Variants in RBM26 observed in about 807,000 individuals in gnomAD.
RBM26 encodes RNA binding motif protein 26.
RBM26 carries 30 observed loss-of-function variants against 123.6 expected under a neutral mutation model. The observed-to-expected ratio is 0.24, with a 90% confidence interval of 0.18 to 0.33. RBM26 has a LOEUF of 0.33. Ranked by LOEUF, RBM26 falls within the 10% of genes least tolerant of loss-of-function variation. The probability of loss-of-function intolerance (pLI) is 1.00; values close to 1 mark genes in which losing one functional copy is unlikely to be tolerated. For synonymous variants in RBM26, 400 were observed against 404.4 expected (o/e 0.99, Z 0.13); for missense variants, 947 against 1,203.6 (o/e 0.79, Z 3.15).
chr13:79,353,066 T>C (rs534755832), intron 14 of RBM26, 87 bp downstream of exon 14: 3 of 738,858 alleles, frequency 4.1e-6, no homozygotes, highest in African/African-American at 3.6e-5. Context: ...AGCAAGAGTT[T>C]AGAACTATGA....
intron 9 of RBM26, among the ~76,000 whole-genome samples, chr13:79,363,639 T>C (rs1368403856): frequency 6.6e-6 from 1 of 152,128 alleles, no homozygotes; most frequent in East Asian, 1.9e-4. Flanking sequence ...ATGACAGACA[T>C]TTCTCTCTCA....
chr13:79,386,632 ACCC>A, intron 1 of RBM26, among the ~76,000 whole-genome samples: 1 of 147,302 alleles, frequency 6.8e-6, no homozygotes, highest in Non-Finnish European at 1.5e-5. Flanking sequence ...CAATATGGTA[ACCC>A]ATGACTAACC....
At chr13:79,389,168 G>T (rs751867243) in intron 1 of RBM26, among the ~76,000 whole-genome samples, 4 of 152,094 alleles carry the variant, frequency 2.6e-5, no homozygotes, top group Non-Finnish European at 5.9e-5. Flanking sequence ...ACTATCTCCC[G>T]TAACTTCTTT....
chr13:79,333,297 C>T (rs1430353067), intron 20 of RBM26, among the ~76,000 whole-genome samples: 1 of 152,098 alleles, frequency 6.6e-6, no homozygotes, highest in Non-Finnish European at 1.5e-5. Context: ...TCAGGAATTC[C>T]TATTTTATAA....
intron 1 of RBM26, among the ~76,000 whole-genome samples, chr13:79,398,051 C>T (rs993117061): frequency 6.6e-6 from 1 of 152,130 alleles, no homozygotes; most frequent in Non-Finnish European, 1.5e-5. Context: ...TAAAAATAAA[C>T]TTTTACCTAT....
chr13:79,401,226 G>T (rs960055495), intron 1 of RBM26, among the ~76,000 whole-genome samples: 1 of 152,038 alleles, frequency 6.6e-6, no homozygotes, highest in African/African-American at 2.4e-5. Context: ...CAGGTGAAGG[G>T]GAAAAATACT....
intron 3 of RBM26, among the ~76,000 whole-genome samples, chr13:79,373,619 T>G (rs1239308363): frequency 6.5e-5 from 7 of 108,494 alleles, no homozygotes; most frequent in Admixed American, 5.2e-4. Context: ...TATTTATATA[T>G]TATATATTAC....
intron 1 of RBM26, among the ~76,000 whole-genome samples, chr13:79,397,089 G>A (rs1229708251): frequency 6.6e-6 from 1 of 152,214 alleles, no homozygotes; most frequent in African/African-American, 2.4e-5. Context: ...GCTGAGGCCT[G>A]AGAATCGTTT....
At chr13:79,313,791 T>C (rs1353686648) in exon 5 of RBM26, 1 of 151,550 alleles carries the variant, frequency 6.6e-6, no homozygotes, top group Admixed American at 6.6e-5. Context: ...CTGATGTGTT[T>C]ATTACATTCT....
chr13:79,371,322 C>T (rs2075852321), intron 4 of RBM26, among the ~76,000 whole-genome samples, 160 bp from the exon 5 acceptor site: 1 of 152,112 alleles, frequency 6.6e-6, no homozygotes, highest in African/African-American at 2.4e-5. Flanking sequence ...CTTTAAATCC[C>T]TTTTAAATGA....
In RBM26 at chr13:79,366,726, G is replaced by C; in HGVS notation, c.1042C>G (p.Pro348Ala). 1 of 1,612,708 alleles carries C rather than the reference G, an allele frequency of 6.2e-7. No individual in the cohort carries two copies. Among genetic ancestry groups the C allele is most frequent in the Non-Finnish European group, 8.5e-7 (1 of 1,179,324 alleles). Reference sequence around the variant, plus strand: ...GGGGGTGTAAGAATTGGTGGAGGTGGGGGGAGTCCAGGAGGAGGTGGTCCT... The same window carrying C: ...GGGGGTGTAAGAATTGGTGGAGGTGCGGGGAGTCCAGGAGGAGGTGGTCCT... Reference protein sequence around the residue: ...VEGPPPPGLPPPPPILTPPPV... With the variant: ...VEGPPPPGLPAPPPILTPPPV... The change falls in exon 7 of 22, where the codon CCA (proline) becomes GCA (alanine). Residue 348 changes from proline (P) to alanine (A), a missense_variant. Around this residue, in one of 5 missense-constraint regions of RBM26, gnomAD observed 493 missense variants for 563.1 expected, o/e 0.88. Coordinates refer to ENST00000438737, the MANE Select transcript of RBM26 (RefSeq NM_001366735.2).
chr13:79,333,203 A>G (rs546224032), intron 20 of RBM26, among the ~76,000 whole-genome samples: 149 of 152,224 alleles, frequency 9.8e-4, no homozygotes, highest in Non-Finnish European at 1.9e-3. Flanking sequence ...AATCTCATCA[A>G]TTTTAAATTA....
chr13:79,405,622 C>G, intron 1 of RBM26, 82 bp downstream of exon 1: 1 of 942,232 alleles, frequency 1.1e-6, no homozygotes. Flanking sequence ...CCACCGCAGG[C>G]ACTTGGGGAA....
At chr13:79,365,195 C>G (rs1189265166) in intron 9 of RBM26, among the ~76,000 whole-genome samples, 2 of 152,174 alleles carry the variant, frequency 1.3e-5, no homozygotes, top group Non-Finnish European at 1.5e-5. Flanking sequence ...ATAATCCCAG[C>G]ACTTTGGGAA....
rs544502237 is a variant in RBM26, at chr13:79,367,502, G to A, written c.896-630C>T. On this transcript the variant is annotated intron_variant, in intron 6 of 21. Transcript: ENST00000438737. ...AGGTGGGGCCTGGTAGGAGGTGTTA[G>A]GGTCATGGGGGTAGATCCTTCATGA... is the stretch of plus-strand genomic sequence containing the variant. 5.9e-5 allele frequency among the ~76,000 whole-genome samples: 9 copies of A among 151,758 alleles called. No individual in the cohort carries two copies. In the South Asian group the frequency reaches 1.9e-3, roughly 32 times the overall value.
At chr13:79,317,324 T>A (rs1291608752), downstream of RBM26, among the ~76,000 whole-genome samples, 1 of 151,646 alleles carries the variant, frequency 6.6e-6, no homozygotes, top group Non-Finnish European at 1.5e-5. Context: ...GAGAACTGGC[T>A]TAGATATATT....
At chr13:79,377,621 T>A in intron 2 of RBM26, 106 bp from the exon 3 acceptor site, 1 of 932,310 alleles carries the variant, frequency 1.1e-6, no homozygotes, top group Non-Finnish European at 1.6e-6. Context: ...TTGACTTTTA[T>A]AAACTAGAAA....
chr13:79,352,046 G>GA, intron 14 of RBM26, among the ~76,000 whole-genome samples: 2 of 152,244 alleles, frequency 1.3e-5, no homozygotes, highest in African/African-American at 4.8e-5. Context: ...ATTTATATAG[G>GA]AAATAATGAA....
At chr13:79,327,780 G>A (rs1042495376) in intron 20 of RBM26, among the ~76,000 whole-genome samples, 1 of 152,106 alleles carries the variant, frequency 6.6e-6, no homozygotes, top group Non-Finnish European at 1.5e-5. Context: ...ACCATAAGCA[G>A]GAAGGGTGGG....
Sources: allele counts gnomAD v4.1 joint callset (sites outside exome capture counted in the v4.1 genomes callset), GRCh38; gene constraint gnomAD v4.1.1; regional missense constraint gnomAD v4.1.1; transcripts MANE v1.5; gene names NCBI Gene and HGNC (gene_info 2026-07-23, HGNC 2026-07-21).